Variants in MITF observed in about 807,000 individuals in gnomAD.
MITF encodes melanocyte inducing transcription factor.
MITF carries 17 observed loss-of-function variants against 60.5 expected under a neutral mutation model. That is an observed-to-expected ratio of 0.28 (90% CI 0.19 to 0.42). The LOEUF is 0.42. MITF is among the 10% of genes least tolerant of loss of function. MITF has a pLI of 1.00. For missense variants in MITF, 622 were observed against 683.5 expected (o/e 0.91, Z 1.00); for synonymous variants, 260 against 248.5 (o/e 1.05, Z -0.43).
rs144137879 is a variant in MITF at position 69,754,341 on chromosome 3, C to T, written c.104+14640C>T. Among the ~76,000 whole-genome samples, 66 of 152,162 alleles carry T rather than the reference C, an allele frequency of 4.3e-4. No homozygotes were observed. In the East Asian group the frequency reaches 0.011, roughly 26 times the overall value. On this transcript the variant is annotated intron_variant, in intron 1 of 9. Coordinates refer to ENST00000352241, the MANE Select transcript of MITF (RefSeq NM_001354604.2). ...AAGTGATTCTCCTGCCTCAGACTAC[C>T]GAGTAGCTGGGATTACAGGTGCATA...
chr3:69,750,208 TC>T (rs1254143725), intron 1 of MITF, among the ~76,000 whole-genome samples: 1 of 152,058 alleles, frequency 6.6e-6, no homozygotes, highest in Non-Finnish European at 1.5e-5. Flanking sequence ...AAAGTCAATT[TC>T]ATGGCTCCAG....
chr3:69,940,205 A>C (rs150907533), intron 4 of MITF, among the ~76,000 whole-genome samples: 347 of 152,284 alleles, frequency 2.3e-3, no homozygotes, highest in Admixed American at 4.2e-3. Context: ...GCTTTGCCCT[A>C]ATCTAGAAAG....
intron 1 of MITF, among the ~76,000 whole-genome samples, chr3:69,756,634 C>T (rs914565678): frequency 2.6e-5 from 4 of 152,062 alleles, no homozygotes; most frequent in African/African-American, 7.2e-5. Context: ...ATTTATAATC[C>T]TTTGGGTATA....
chr3:69,965,021 G>A lies in MITF; in HGVS notation c.1354G>A (p.Asp452Asn). 1.2e-6 allele frequency: 2 copies of A among 1,614,080 alleles called. No individual in the cohort carries two copies. The highest frequency in any genetic ancestry group is 1.7e-6 in the Non-Finnish European group (2 of 1,179,986). The change falls in exon 10 of 10, where the codon GAT becomes AAT. Residue 452 changes from aspartate to asparagine, a missense_variant. This residue lies in a region of MITF where 224 missense variants were observed against 209.5 expected (regional missense o/e 1.07). Transcript: ENST00000352241. ...LTCTTTLDLT[D>N]GTITFNNNLG... ...CTGTACAACAACTCTCGATCTCACG[G>A]ATGGCACCATCACCTTCAACAACAA...
At chr3:69,792,289 A>G (rs1331647649) in intron 1 of MITF, among the ~76,000 whole-genome samples, 1 of 152,156 alleles carries the variant, frequency 6.6e-6, no homozygotes, top group Non-Finnish European at 1.5e-5. Context: ...CACTGCTTTT[A>G]TCCATTAAAT....
chr3:69,763,297 G>A (rs2062237958), intron 1 of MITF, among the ~76,000 whole-genome samples: 1 of 152,144 alleles, frequency 6.6e-6, no homozygotes, highest in South Asian at 2.1e-4. Flanking sequence ...CTTTCCTTGC[G>A]AGGATTATTG....
At chr3:69,840,357 A>T (rs1246089108) in intron 1 of MITF, among the ~76,000 whole-genome samples, 1 of 152,192 alleles carries the variant, frequency 6.6e-6, no homozygotes, top group Non-Finnish European at 1.5e-5. Context: ...CCATCGTGTC[A>T]CATATACACA....
chr3:69,938,944 G>A, intron 3 of MITF, 154 bp from the exon 4 acceptor site: 1 of 1,516,318 alleles, frequency 6.6e-7, no homozygotes, highest in South Asian at 1.3e-5. Flanking sequence ...TTTGACACAA[G>A]TTCTTCCTTC....
At chr3:69,912,384 T>C (rs1048462129) in intron 2 of MITF, among the ~76,000 whole-genome samples, 5 of 152,192 alleles carry the variant, frequency 3.3e-5, no homozygotes, top group Non-Finnish European at 5.9e-5. Context: ...CAATGACTAT[T>C]CTATCATTTA....
At chr3:69,749,808 T>C (rs1405637214) in intron 1 of MITF, among the ~76,000 whole-genome samples, 3 of 152,220 alleles carry the variant, frequency 2.0e-5, no homozygotes, top group Non-Finnish European at 2.9e-5. Flanking sequence ...TGGAACTGCA[T>C]CTTGTATCAT....
intron 4 of MITF, 70 bp downstream of exon 4, chr3:69,939,251 C>A: frequency 1.5e-6 from 2 of 1,378,622 alleles, no homozygotes; most frequent in African/African-American, 1.4e-5. Context: ...GTGGATCACA[C>A]CTTCCTGAAA....
intron 2 of MITF, among the ~76,000 whole-genome samples, chr3:69,918,227 G>A (rs538250708): frequency 2.0e-4 from 31 of 152,060 alleles, no homozygotes; most frequent in African/African-American, 6.5e-4. Flanking sequence ...ACCATGCCTC[G>A]CTAAATTTTT....
intron 1 of MITF, among the ~76,000 whole-genome samples, chr3:69,791,837 G>A (rs2062745347): frequency 3.3e-5 from 5 of 152,196 alleles, no homozygotes; most frequent in Admixed American, 3.3e-4. Flanking sequence ...TATGTTTCAT[G>A]CTGGGTCTAT....
Position 69,763,896 on chromosome 3 carries a change from T to C in MITF, c.104+24195T>C, listed in dbSNP as rs777383332. 14 of 1,378,486 alleles carry C rather than the reference T, an allele frequency of 1.0e-5. No homozygotes were observed. The Admixed American group carries it at 1.8e-4, about 18-fold the overall frequency. 85.4% of individuals were successfully genotyped at this position (1,378,486 alleles called of 1,614,324 possible). On this transcript the variant is annotated intron_variant, in intron 1 of 9. Transcript: ENST00000352241. ...TTTCCCACGAGCTATTTTCTCTCTCTGTGAAAAGGAAACCAGGAAATTGAC... is the reference window on the plus strand; with the variant it reads ...TTTCCCACGAGCTATTTTCTCTCTCCGTGAAAAGGAAACCAGGAAATTGAC...
intron 1 of MITF, among the ~76,000 whole-genome samples, chr3:69,802,889 C>A (rs1003470450): frequency 2.0e-5 from 3 of 150,572 alleles, no homozygotes; most frequent in African/African-American, 7.3e-5. Context: ...CGGAGTTTCT[C>A]CCCTCAGCCT....
At chr3:69,829,841 A>G (rs572109960) in intron 1 of MITF, among the ~76,000 whole-genome samples, 1 of 152,298 alleles carries the variant, frequency 6.6e-6, no homozygotes, top group Admixed American at 6.5e-5. Flanking sequence ...TAACAAATGT[A>G]GGTGACCTCC....
chr3:69,958,335 C>T (rs112087926), intron 8 of MITF, among the ~76,000 whole-genome samples: 4,488 of 152,244 alleles, frequency 0.029, 116 homozygotes, highest in Non-Finnish European at 0.04. Context: ...TCAGGACATT[C>T]CCCTGGGTTG....
intron 1 of MITF, among the ~76,000 whole-genome samples, chr3:69,874,445 C>T (rs1419805221): frequency 1.3e-5 from 2 of 152,140 alleles, no homozygotes; most frequent in African/African-American, 2.4e-5. Flanking sequence ...GAACTGTATT[C>T]CAGTTTATTG....
intron 5 of MITF, among the ~76,000 whole-genome samples, chr3:69,948,683 T>C (rs2066162398): frequency 6.6e-6 from 1 of 152,192 alleles, no homozygotes; most frequent in South Asian, 2.1e-4. Flanking sequence ...TACAATCCTG[T>C]TTTACAATAA....
Sources: allele counts gnomAD v4.1 joint callset (sites outside exome capture counted in the v4.1 genomes callset), GRCh38; gene constraint gnomAD v4.1.1; regional missense constraint gnomAD v4.1.1; transcripts MANE v1.5; gene names NCBI Gene and HGNC (gene_info 2026-07-23, HGNC 2026-07-21).